Variants in PPP1R9A observed in about 807,000 individuals in gnomAD.
The protein encoded by PPP1R9A is neurabin-1.
Under a neutral mutation model 141.9 loss-of-function variants are expected in PPP1R9A, and 59 were observed. That is an observed-to-expected ratio of 0.42 (90% CI 0.34 to 0.52). The LOEUF is 0.52. PPP1R9A is among the 20% of genes least tolerant of loss of function. The pLI, the probability that PPP1R9A is intolerant of heterozygous loss-of-function variation, is 0.10. For missense variants in PPP1R9A, 1,444 were observed against 1,611.9 expected, an observed-to-expected ratio of 0.90 and a Z score of 1.78; for synonymous variants, 500 against 569.7, an observed-to-expected ratio of 0.88 and a Z score of 1.74.
chr7:95,181,147 G>A (rs891864845), intron 5 of PPP1R9A, among the ~76,000 whole-genome samples: 62 of 147,002 alleles, frequency 4.2e-4, no homozygotes, highest in African/African-American at 1.5e-3. Flanking sequence ...TCAAAGAGTC[G>A]ATATAGAAAC....
intron 5 of PPP1R9A, among the ~76,000 whole-genome samples, chr7:95,181,846 A>G (rs1833903258): frequency 6.7e-6 from 1 of 148,588 alleles, no homozygotes; most frequent in African/African-American, 2.5e-5. Flanking sequence ...ATACTACTCA[A>G]CCATATAAAG....
At chr7:95,166,374 A>G (rs946004962) in intron 5 of PPP1R9A, among the ~76,000 whole-genome samples, 1 of 152,152 alleles carries the variant, frequency 6.6e-6, no homozygotes, top group African/African-American at 2.4e-5. Flanking sequence ...AGAACTGTTA[A>G]AAATAAAGCA....
rs1449785447 is a variant in PPP1R9A at position 95,295,930 on chromosome 7, A to C, written c.*5627A>C. 1 of 152,658 alleles carries C rather than the reference A, an allele frequency of 6.6e-6. No individual in the cohort carries two copies. The highest frequency in any genetic ancestry group is 6.5e-5 in the Admixed American group (1 of 15,284). The allele number at this position is 152,658 out of a possible 1,614,324, so 9.5% of individuals were successfully genotyped here. On this transcript the variant is annotated 3_prime_UTR_variant, in exon 20 of 20. Transcript: ENST00000433360. ...TTTTAATGGTGTTGCAACCACTTGT[A>C]CACCTGCTACACCTTACTGACAAAA... is the stretch of plus-strand genomic sequence containing the variant.
intron 2 of PPP1R9A, among the ~76,000 whole-genome samples, chr7:95,090,896 G>A (rs1817258540): frequency 6.6e-6 from 1 of 151,996 alleles, no homozygotes; most frequent in African/African-American, 2.4e-5. Context: ...GATCATGTAT[G>A]TACATACTGA....
rs1224424681 is a variant in PPP1R9A, at chr7:95,293,445, T to C, written c.*3142T>C. On this transcript the variant is annotated 3_prime_UTR_variant, in exon 20 of 20. Coordinates refer to ENST00000433360, the MANE Select transcript of PPP1R9A (RefSeq NM_001166160.2). ...ATCATCCTTTAGCTGGGATTGACAA[T>C]TGATTTCACACCCTCAACATCACAA... The C allele has an allele frequency of 6.6e-6, 1 of 152,186 alleles. No homozygotes were observed. Among genetic ancestry groups the C allele is most frequent in the East Asian group, 1.9e-4 (1 of 5,200 alleles). 9.4% of individuals were successfully genotyped at this position (152,186 alleles called of 1,614,324 possible). A position where few individuals can be genotyped will look rare whatever the true frequency, so the allele number is the denominator to read the frequency against.
Position 94,910,921 on chromosome 7 carries a change from G to A in PPP1R9A, c.808G>A (p.Asp270Asn), listed in dbSNP as rs778549179. ...PSNKRGVDTEDAHKSNATPVP... is the reference protein window; with the variant it reads ...PSNKRGVDTENAHKSNATPVP... ...AAACAAGCGAGGTGTTGATACAGAG[G>A]ATGCTCACAAGAGTAATGCAACTCC... The change falls in exon 2 of 20, where the codon GAT (aspartate) becomes AAT (asparagine). Residue 270 changes from aspartate (D) to asparagine (N), a missense_variant. This residue lies in a region of PPP1R9A where 490 missense variants were observed against 521.1 expected (regional missense o/e 0.94). Transcript: ENST00000433360. The surrounding 1 kb of genome is among the most constrained non-coding windows in gnomAD (Gnocchi z 4.5). 67 of 1,613,948 alleles carry A rather than the reference G, an allele frequency of 4.2e-5. No individual in the cohort carries two copies. Among genetic ancestry groups the A allele is most frequent in the Non-Finnish European group, 5.3e-5 (63 of 1,180,014 alleles).
At chr7:95,000,166 C>T (rs138411290) in intron 2 of PPP1R9A, among the ~76,000 whole-genome samples, 14 of 152,154 alleles carry the variant, frequency 9.2e-5, no homozygotes, top group East Asian at 7.7e-4. Context: ...GTAAGTAGTG[C>T]GGCAAAATTT....
intron 2 of PPP1R9A, among the ~76,000 whole-genome samples, chr7:95,107,048 C>T (rs960865918): frequency 6.6e-6 from 1 of 152,040 alleles, no homozygotes; most frequent in African/African-American, 2.4e-5. Context: ...TCACAAAATG[C>T]TGGGATTACA....
chr7:94,925,804 A>C (rs1207280167), intron 2 of PPP1R9A, among the ~76,000 whole-genome samples: 1 of 151,608 alleles, frequency 6.6e-6, no homozygotes, highest in East Asian at 1.9e-4. Context: ...CTGAAGGTCC[A>C]AGTTGGGATG....
chr7:95,286,783 C>G (rs770219938), intron 18 of PPP1R9A, among the ~76,000 whole-genome samples: 23 of 152,028 alleles, frequency 1.5e-4, no homozygotes, highest in Non-Finnish European at 3.1e-4. Context: ...AAACAAGGGT[C>G]AAAATTAGTA....
At chr7:94,993,048 A>C (rs2151442548) in intron 2 of PPP1R9A, among the ~76,000 whole-genome samples, 1 of 150,292 alleles carries the variant, frequency 6.7e-6, no homozygotes, top group East Asian at 1.9e-4. Context: ...TTTTGAGTTA[A>C]TTTTATGTAT....
chr7:95,057,762 A>C (rs1345959325), intron 2 of PPP1R9A, among the ~76,000 whole-genome samples: 1 of 152,092 alleles, frequency 6.6e-6, no homozygotes, highest in Non-Finnish European at 1.5e-5. Flanking sequence ...GTGTGATAGA[A>C]TCCACTTGAC....
chr7:95,223,980 A>T (rs1794802824), intron 7 of PPP1R9A, among the ~76,000 whole-genome samples: 1 of 152,020 alleles, frequency 6.6e-6, no homozygotes, highest in Non-Finnish European at 1.5e-5. Context: ...TGAACAGGAG[A>T]TGAATTGATT....
intron 2 of PPP1R9A, among the ~76,000 whole-genome samples, chr7:94,950,991 G>T (rs2151028257): frequency 6.6e-6 from 1 of 152,106 alleles, no homozygotes; most frequent in Admixed American, 6.6e-5. Flanking sequence ...CAAGTGATCT[G>T]CCCACCTCAG....
At chr7:95,171,356 G>A (rs79824634) in intron 5 of PPP1R9A, among the ~76,000 whole-genome samples, 8 of 151,612 alleles carry the variant, frequency 5.3e-5, no homozygotes, top group East Asian at 3.9e-4. Flanking sequence ...AATGTGTCAC[G>A]CTAGCATTAA....
chr7:95,277,424 T>TTTTG (rs745497961), intron 16 of PPP1R9A, among the ~76,000 whole-genome samples: 72 of 152,198 alleles, frequency 4.7e-4, no homozygotes, highest in East Asian at 2.1e-3. Flanking sequence ...GGCATTGTCT[T>TTTTG]TTTGTTTGTT....
intron 8 of PPP1R9A, among the ~76,000 whole-genome samples, chr7:95,235,937 T>C (rs1279064765): frequency 6.6e-6 from 1 of 152,158 alleles, no homozygotes; most frequent in Non-Finnish European, 1.5e-5. Flanking sequence ...ATGTGGGAGC[T>C]AAGCTATGGG....
chr7:95,225,851 C>G (rs904881113), intron 7 of PPP1R9A, 110 bp from the exon 8 acceptor site: 2 of 1,185,628 alleles, frequency 1.7e-6, no homozygotes, highest in African/African-American at 3.3e-5. Context: ...CCTACTTACA[C>G]TTTTACCATT....
chr7:95,030,208 G>C (rs1278465049), intron 2 of PPP1R9A, among the ~76,000 whole-genome samples: 1 of 152,168 alleles, frequency 6.6e-6, no homozygotes, highest in Admixed American at 6.5e-5. Flanking sequence ...CTGTGAAATA[G>C]TGTTAATAAC....
Sources: gnomAD v4.1 joint callset for allele counts (sites outside exome capture counted in the v4.1 genomes callset) on GRCh38, gnomAD v4.1.1 for gene constraint, gnomAD v4.1.1 regional missense constraint, Gnocchi (gnomAD v3.1) non-coding constraint, MANE v1.5 for transcripts, NCBI Gene and HGNC (gene_info 2026-07-23, HGNC 2026-07-21) for gene names.